Variants in TRAPPC9 observed in about 807,000 individuals in gnomAD.
TRAPPC9 encodes trafficking protein particle complex subunit 9.
In TRAPPC9, 83 loss-of-function variants were observed where a neutral mutation model predicts 124.0. The observed-to-expected ratio is 0.67, with a 90% CI of 0.56 to 0.80. The LOEUF is 0.80. TRAPPC9 is among the 30% of genes least tolerant of loss of function. The pLI is 0.00. For missense variants in TRAPPC9, 1,302 were observed against 1,508.3 expected, an observed-to-expected ratio of 0.86 and a Z score of 2.27; for synonymous variants, 638 against 617.5, an observed-to-expected ratio of 1.03 and a Z score of -0.49.
chr8:140,159,449 CTGCCG>C (rs1422095344), intron 17 of TRAPPC9, among the ~76,000 whole-genome samples: 7 of 152,218 alleles, frequency 4.6e-5, no homozygotes, highest in Non-Finnish European at 1.0e-4. Context: ...CCTTAGACAT[CTGCCG>C]ATGTCTCCTC....
chr8:140,245,625 C>T (rs972177393), intron 16 of TRAPPC9, among the ~76,000 whole-genome samples: 2 of 152,126 alleles, frequency 1.3e-5, no homozygotes, highest in African/African-American at 4.8e-5. Flanking sequence ...TGCCTTTTTC[C>T]CCCTGATAAT....
chr8:139,832,890 A>T (rs968134838), intron 21 of TRAPPC9, among the ~76,000 whole-genome samples: 1 of 152,174 alleles, frequency 6.6e-6, no homozygotes, highest in Admixed American at 6.5e-5. Flanking sequence ...ATTCTCTGCT[A>T]AAAGGGAGAT....
At chr8:139,938,891 C>T (rs909555664) in intron 19 of TRAPPC9, among the ~76,000 whole-genome samples, 9 of 151,924 alleles carry the variant, frequency 5.9e-5, no homozygotes, top group Non-Finnish European at 8.8e-5. Context: ...ATGATCCACC[C>T]GCCTCGGCCT....
Position 139,790,413 on chromosome 8 carries a change from G to A in TRAPPC9, c.3056-58211C>T, listed in dbSNP as rs185283511. Among the ~76,000 whole-genome samples the A allele has an allele frequency of 7.3e-4, 111 of 152,304 alleles. 1 individual carries two copies. The East Asian group carries it at 0.018, about 25-fold the overall frequency. On this transcript the variant is annotated intron_variant, in intron 21 of 22. Transcript: ENST00000438773. ...GCAAGAGGTGCCATGGTAGGGGCAC[G>A]GACAAGCGTGGGGTATGGGGTTCGG...
At chr8:139,744,438 G>C (rs537646079) in intron 21 of TRAPPC9, among the ~76,000 whole-genome samples, 2 of 152,054 alleles carry the variant, frequency 1.3e-5, no homozygotes, top group African/African-American at 4.8e-5. Context: ...GGAAAGCTCA[G>C]ACAGGGAGAC....
intron 19 of TRAPPC9, among the ~76,000 whole-genome samples, chr8:139,987,943 C>T (rs1837351441): frequency 6.6e-6 from 1 of 152,162 alleles, no homozygotes; most frequent in South Asian, 2.1e-4. Context: ...CCCTGGCCAG[C>T]AATTGGTAGT....
intron 21 of TRAPPC9, among the ~76,000 whole-genome samples, chr8:139,835,353 C>A (rs1586949233): frequency 6.6e-6 from 1 of 152,262 alleles, no homozygotes; most frequent in Admixed American, 6.5e-5. Flanking sequence ...AGCCAAGGAA[C>A]CTGGCAGGTC....
At chr8:139,816,991 T>C (rs1461606000) in intron 21 of TRAPPC9, among the ~76,000 whole-genome samples, 1 of 151,856 alleles carries the variant, frequency 6.6e-6, no homozygotes, top group South Asian at 2.1e-4. Context: ...GCATTTTTGA[T>C]GAATCCTTGT....
rs774835356 is a variant in TRAPPC9 at position 140,451,107 on chromosome 8, G to A, written c.267C>T (p.Ala89=). 1 of 1,614,086 alleles carries A rather than the reference G, an allele frequency of 6.2e-7. No individual in the cohort carries two copies. The highest frequency in any genetic ancestry group is 8.5e-7 in the Non-Finnish European group (1 of 1,180,006). Reference sequence around the variant, plus strand: ...TCTCAAAGGTCTGTGGCCAGTCCTTGGCCGAGAAGCAGTCTGTGATGGTGA... The same window carrying A: ...TCTCAAAGGTCTGTGGCCAGTCCTTAGCCGAGAAGCAGTCTGTGATGGTGA... ...GLITITDCFS[A]KDWPQTFEKF... is the part of the protein sequence containing the mutation. The change falls in exon 2 of 23, where the codon GCC becomes GCT. Residue 89 remains alanine, a synonymous_variant. Transcript: ENST00000438773.
intron 9 of TRAPPC9, among the ~76,000 whole-genome samples, chr8:140,336,251 A>G (rs904266904): frequency 1.3e-5 from 2 of 152,204 alleles, no homozygotes; most frequent in Admixed American, 6.5e-5. Context: ...TATTTATGAC[A>G]TAATGATCAC....
chr8:140,097,198 C>A lies in TRAPPC9; in HGVS notation c.2557-73119G>T, dbSNP rs1387482027. On this transcript the variant is annotated intron_variant, in intron 17 of 22. Coordinates refer to ENST00000438773, the MANE Select transcript of TRAPPC9 (RefSeq NM_001160372.4). This position sits in a 1 kb window ranked among gnomAD's most constrained non-coding sequence, Gnocchi z 4.2. ...ACAAAGCAAAGACACCTGCCCTGGTCCTCCGTGCAGCTGGCACGGAGTCAC... is the reference window on the plus strand; with the variant it reads ...ACAAAGCAAAGACACCTGCCCTGGTACTCCGTGCAGCTGGCACGGAGTCAC... 1.3e-5 allele frequency: 2 copies of A among 152,350 alleles called. No homozygotes were observed. The highest frequency in any genetic ancestry group is 2.9e-5 in the Non-Finnish European group (2 of 68,142). The allele number at this position is 152,350 out of a possible 1,614,324, so 9.4% of individuals were successfully genotyped here.
At position 139,730,709 on chromosome 8, in the gene TRAPPC9, C is replaced by T. The variant is rs1817759464; in HGVS notation, c.*352G>A. 1 of 308,352 alleles carries T rather than the reference C, an allele frequency of 3.2e-6. No homozygotes were observed. The highest frequency in any genetic ancestry group is 6.1e-6 in the Non-Finnish European group (1 of 163,188). 19.1% of individuals were successfully genotyped at this position (308,352 alleles called of 1,614,324 possible). ...TCGCTGGACGAGGGAGGTCCCTCTG[C>T]TGGGATGAGCAGCACAGCACGGCTG... On this transcript the variant is annotated 3_prime_UTR_variant, in exon 23 of 23. Transcript: ENST00000438773.
intron 14 of TRAPPC9, among the ~76,000 whole-genome samples, chr8:140,280,880 A>G (rs2065292489): frequency 1.3e-5 from 2 of 152,180 alleles, no homozygotes; most frequent in Non-Finnish European, 2.9e-5. Flanking sequence ...GATGTTTCAC[A>G]TCAGAGGACT....
chr8:140,367,841 T>C (rs1210424831), intron 8 of TRAPPC9, among the ~76,000 whole-genome samples: 1 of 152,142 alleles, frequency 6.6e-6, no homozygotes, highest in Non-Finnish European at 1.5e-5. Context: ...AGGAGGTAAG[T>C]GGGTCATCAG....
chr8:139,970,311 T>C (rs1835980491), intron 19 of TRAPPC9, among the ~76,000 whole-genome samples: 1 of 152,186 alleles, frequency 6.6e-6, no homozygotes, highest in African/African-American at 2.4e-5. Context: ...CGGTCCCCAG[T>C]GCTGTTCACA....
intron 20 of TRAPPC9, among the ~76,000 whole-genome samples, chr8:139,893,688 C>T (rs952264547): frequency 6.6e-6 from 1 of 152,252 alleles, no homozygotes; most frequent in Non-Finnish European, 1.5e-5. Flanking sequence ...AGTGCACCCA[C>T]AACTCATCTT....
intron 17 of TRAPPC9, among the ~76,000 whole-genome samples, chr8:140,137,014 C>T (rs968064169): frequency 6.6e-6 from 1 of 152,094 alleles, no homozygotes; most frequent in African/African-American, 2.4e-5. Flanking sequence ...AGCTGCAGGA[C>T]TGGACAGGAC....
chr8:139,910,658 G>A (rs1031964660), intron 19 of TRAPPC9, among the ~76,000 whole-genome samples: 2 of 152,178 alleles, frequency 1.3e-5, no homozygotes, highest in African/African-American at 2.4e-5. Context: ...CATGGAGAAC[G>A]CTGACAATTA....
At chr8:140,066,130 C>G (rs1159607777) in intron 17 of TRAPPC9, among the ~76,000 whole-genome samples, 1 of 152,212 alleles carries the variant, frequency 6.6e-6, no homozygotes, top group Non-Finnish European at 1.5e-5. Flanking sequence ...GGATGACTTT[C>G]AGGGGCTCAA....
Sources: allele counts gnomAD v4.1 joint callset (sites outside exome capture counted in the v4.1 genomes callset), GRCh38; gene constraint gnomAD v4.1.1; non-coding constraint Gnocchi (gnomAD v3.1); transcripts MANE v1.5; gene names NCBI Gene and HGNC (gene_info 2026-07-23, HGNC 2026-07-21).